Variants in SLC16A2 observed in about 807,000 individuals in gnomAD.
The protein encoded by SLC16A2 is solute carrier family 16 member 2.
In SLC16A2, 3 loss-of-function variants were observed where a neutral mutation model predicts 27.2. That is an observed-to-expected ratio of 0.11 (90% CI 0.05 to 0.28). The LOEUF is 0.28. Among genes scored for constraint, SLC16A2 ranks in the 10% least tolerant of loss-of-function variants. The pLI, the probability that SLC16A2 is intolerant of heterozygous loss-of-function variation, is 1.00. For synonymous variants in SLC16A2, 202 were observed against 187.8 expected, an observed-to-expected ratio of 1.08 and a Z score of -0.62; for missense variants, 295 against 458.5, an observed-to-expected ratio of 0.64 and a Z score of 3.26.
chrX:74,516,968 A>G (rs1930326369), intron 1 of SLC16A2, among the ~76,000 whole-genome samples: 1 of 112,185 alleles, frequency 8.9e-6, no homozygotes, highest in African/African-American at 3.2e-5. Context: ...CTCCATTTAT[A>G]TAACTTTCTT....
chrX:74,442,549 C>A (rs1569285401), intron 1 of SLC16A2, among the ~76,000 whole-genome samples: 2 of 111,717 alleles, frequency 1.8e-5, no homozygotes, highest in African/African-American at 3.3e-5. Context: ...CAGGTTCAGC[C>A]AATATTTATT....
chrX:74,453,764 T>C (rs1248107607), intron 1 of SLC16A2, among the ~76,000 whole-genome samples: 2 of 110,843 alleles, frequency 1.8e-5, no homozygotes, highest in Non-Finnish European at 3.8e-5. Context: ...CCATAATGAT[T>C]CCAAACTTAG....
intron 1 of SLC16A2, among the ~76,000 whole-genome samples, chrX:74,514,818 A>G (rs1930291026): frequency 8.9e-6 from 1 of 112,127 alleles, no homozygotes; most frequent in African/African-American, 3.2e-5. Flanking sequence ...CTCAGCAATA[A>G]CAAGGTACCC....
chrX:74,495,589 G>A (rs907981444), intron 1 of SLC16A2, among the ~76,000 whole-genome samples: 2 of 108,381 alleles, frequency 1.8e-5, no homozygotes, highest in African/African-American at 6.6e-5. Flanking sequence ...GTGACCCTGG[G>A]CAGGGACCTT....
chrX:74,472,975 C>T, intron 1 of SLC16A2: 1 of 450,448 alleles, frequency 2.2e-6, no homozygotes, highest in Non-Finnish European at 4.0e-6. Flanking sequence ...TTCCCTGCCA[C>T]TTCTCTGGCT....
At chrX:74,423,285 G>A (rs1569281428) in intron 1 of SLC16A2, among the ~76,000 whole-genome samples, 2 of 111,903 alleles carry the variant, frequency 1.8e-5, no homozygotes, top group African/African-American at 3.2e-5. Flanking sequence ...GTGGCTTTTC[G>A]CAGTGTTGCC....
chrX:74,529,284 C>T lies in SLC16A2; in HGVS notation c.1242C>T (p.Ile414=), dbSNP rs1364841125. ...IPLCRDFGGL[I]VVCLFLGLCD... is the part of the protein sequence containing the mutation. Reference sequence around the variant, plus strand: ...TGTGCCGGGACTTCGGGGGCCTTATCGTCGTCTGTCTTTTCCTGGGCCTTT... The same window carrying T: ...TGTGCCGGGACTTCGGGGGCCTTATTGTCGTCTGTCTTTTCCTGGGCCTTT... Residue 414 remains isoleucine (I), a synonymous_variant, in exon 5 of 6, where the codon ATC becomes ATT. Coordinates refer to ENST00000587091, the MANE Select transcript of SLC16A2 (RefSeq NM_006517.5). 7 of 1,210,230 alleles carry T rather than the reference C, an allele frequency of 5.8e-6. No individual in the cohort carries two copies. Among genetic ancestry groups the T allele is most frequent in the Non-Finnish European group, 7.8e-6 (7 of 895,057 alleles).
chrX:74,421,854 C>G lies in SLC16A2; in HGVS notation c.217C>G (p.Arg73Gly). 2 of 1,205,565 alleles carry G rather than the reference C, an allele frequency of 1.7e-6. No individual in the cohort carries two copies. The change falls in exon 1 of 6, where the codon CGG becomes GGG. Residue 73 changes from arginine (R) to glycine (G), a missense_variant. Transcript: ENST00000587091. ...PLPELEFESE[R>G]VHEPEPTPTV... ...GCCGGAGCTGGAGTTCGAGTCCGAG[C>G]GGGTGCACGAACCCGAGCCCACGCC...
rs1362642977 is a variant in SLC16A2 at position 74,532,703 on chromosome X, G to C, written c.*1150G>C. On this transcript the variant is annotated 3_prime_UTR_variant, in exon 6 of 6. Transcript: ENST00000587091. ...AATTCCTAGCCTGGATCCCAAAAAG[G>C]TACAGGCAGCAGTTGCACATAGGGT... 1.8e-5 allele frequency: 2 copies of C among 111,975 alleles called. No homozygotes were observed. The highest frequency in any genetic ancestry group is 3.8e-5 in the Non-Finnish European group (2 of 53,150). The allele number at this position is 111,975 out of a possible 1,213,427, so 9.2% of individuals were successfully genotyped here. A position where few individuals can be genotyped will look rare whatever the true frequency, so the allele number is the denominator to read the frequency against.
At chrX:74,494,631 T>C (rs1929900544) in intron 1 of SLC16A2, among the ~76,000 whole-genome samples, 1 of 111,421 alleles carries the variant, frequency 9.0e-6, no homozygotes, top group Non-Finnish European at 1.9e-5. Flanking sequence ...CTTATGAATA[T>C]CCTGAAATTA....
Position 74,524,720 on chromosome X carries a change from A to G in SLC16A2, c.937A>G (p.Met313Val). The change falls in exon 3 of 6, where the codon ATG becomes GTG. Residue 313 changes from methionine (M) to valine (V), a missense_variant. Met to Val is a conservative substitution (Grantham distance 21). This residue lies in a region of SLC16A2 where 144 missense variants were observed against 219.8 expected (regional missense o/e 0.66). Coordinates refer to ENST00000587091, the MANE Select transcript of SLC16A2 (RefSeq NM_006517.5). ...GGCTCAGCTCAGGAAGTACTTCAACATGCGAGTGTTCCGCCAACGCACTTA... is the reference window on the plus strand; with the variant it reads ...GGCTCAGCTCAGGAAGTACTTCAACGTGCGAGTGTTCCGCCAACGCACTTA... ...FLAQLRKYFN[M>V]RVFRQRTYRI... 1.7e-6 allele frequency: 2 copies of G among 1,211,497 alleles called. No individual in the cohort carries two copies. The highest frequency in any genetic ancestry group is 2.2e-6 in the Non-Finnish European group (2 of 895,450).
intron 1 of SLC16A2, among the ~76,000 whole-genome samples, chrX:74,511,831 GAC>G (rs1930238264): frequency 8.9e-6 from 1 of 111,753 alleles, no homozygotes; most frequent in African/African-American, 3.3e-5. Context: ...TCACTGGACA[GAC>G]AGTTATGTAG....
intron 1 of SLC16A2, among the ~76,000 whole-genome samples, chrX:74,493,464 C>A (rs1002761179): frequency 2.1e-4 from 24 of 112,211 alleles, no homozygotes; most frequent in African/African-American, 7.1e-4. Context: ...CCAACACAGT[C>A]AGCACCCATG....
At chrX:74,521,313 A>T (rs1309409276) in intron 2 of SLC16A2, among the ~76,000 whole-genome samples, 179 bp downstream of exon 2, 3 of 112,125 alleles carry the variant, frequency 2.7e-5, no homozygotes, top group Non-Finnish European at 5.6e-5. Flanking sequence ...GGTCCCCAGG[A>T]CACATTGGTA....
intron 1 of SLC16A2, among the ~76,000 whole-genome samples, chrX:74,508,840 CT>C (rs1174689462): frequency 8.9e-6 from 1 of 111,959 alleles, no homozygotes; most frequent in African/African-American, 3.3e-5. Flanking sequence ...AATATCTTTT[CT>C]GCTACTCTCC....
chrX:74,529,775 C>T (rs1000336493), intron 5 of SLC16A2, among the ~76,000 whole-genome samples: 1 of 106,178 alleles, frequency 9.4e-6, no homozygotes, highest in Non-Finnish European at 1.9e-5. Context: ...CTCACTCTCT[C>T]CACAGGCAAG....
intron 1 of SLC16A2, among the ~76,000 whole-genome samples, chrX:74,430,962 G>A (rs1928525264): frequency 8.9e-6 from 1 of 112,338 alleles, no homozygotes. Context: ...GGCTGATCTC[G>A]AACTCTTGGA....
chrX:74,440,522 CTTTTTTTT>C (rs34468845), intron 1 of SLC16A2, among the ~76,000 whole-genome samples: 2 of 70,031 alleles, frequency 2.9e-5, no homozygotes, highest in African/African-American at 6.2e-5. Flanking sequence ...ATATAAATTC[CTTTTTTTT>C]TTTTTTTTTT....
chrX:74,467,730 A>G (rs1929278660), intron 1 of SLC16A2, among the ~76,000 whole-genome samples: 1 of 111,770 alleles, frequency 8.9e-6, no homozygotes, highest in Non-Finnish European at 1.9e-5. Context: ...CCTTCCATAT[A>G]TTCCACAGAC....
Sources: allele counts gnomAD v4.1 joint callset (sites outside exome capture counted in the v4.1 genomes callset), GRCh38; gene constraint gnomAD v4.1.1; regional missense constraint gnomAD v4.1.1; transcripts MANE v1.5; gene names NCBI Gene and HGNC (gene_info 2026-07-23, HGNC 2026-07-21).